IL2RA: variants seen among roughly 807,000 people sequenced by gnomAD.
The protein encoded by IL2RA is interleukin 2 receptor subunit alpha, also known as interleukin-2 receptor subunit alpha.
IL2RA carries 24 observed loss-of-function variants against 37.8 expected under a neutral mutation model. That is an observed-to-expected ratio of 0.63 (90% CI 0.46 to 0.89). IL2RA has a LOEUF of 0.89. Ranked by LOEUF, IL2RA falls within the 40% of genes least tolerant of loss-of-function variation. The pLI is 0.00. For missense variants in IL2RA, 319 were observed against 348.6 expected, an observed-to-expected ratio of 0.92 and a Z score of 0.68; for synonymous variants, 125 against 114.6, an observed-to-expected ratio of 1.09 and a Z score of -0.58.
At chr10:6,050,713 C>T (rs1384667529) in intron 1 of IL2RA, among the ~76,000 whole-genome samples, 3 of 152,212 alleles carry the variant, frequency 2.0e-5, no homozygotes, top group Non-Finnish European at 4.4e-5. Flanking sequence ...CATGAGGAAT[C>T]TGTAAGATCA....
intron 1 of IL2RA, among the ~76,000 whole-genome samples, chr10:6,038,326 G>A (rs916220037): frequency 1.3e-5 from 2 of 152,238 alleles, no homozygotes; most frequent in African/African-American, 4.8e-5. Flanking sequence ...TGATGTTGTG[G>A]TTTAGTTCAG....
chr10:6,062,352 G>T lies in IL2RA; in HGVS notation c.-201C>A. 2.3e-6 allele frequency: 1 copy of T among 425,608 alleles called. No individual in the cohort carries two copies. Among genetic ancestry groups the T allele is most frequent in the South Asian group, 2.7e-5 (1 of 36,686 alleles). The allele number at this position is 425,608 out of a possible 1,614,324, so 26.4% of individuals were successfully genotyped here. On this transcript the variant is annotated 5_prime_UTR_variant, in exon 1 of 8. Coordinates refer to ENST00000379959, the MANE Select transcript of IL2RA (RefSeq NM_000417.3). ...CTCTCTTTAAGTATTGGGCTGGCGT[G>T]TTCAGCCAGGAAACTGCCTAGCACT...
rs1413129144 is a variant in IL2RA, at chr10:6,044,700, G to T, written c.64+17388C>A. ...GATTTTTAAATGGCATAATTACAGA[G>T]ATATAAAATTTATGTATGCATGTGA... On this transcript the variant is annotated intron_variant, in intron 1 of 7. Coordinates refer to ENST00000379959, the MANE Select transcript of IL2RA (RefSeq NM_000417.3). The surrounding 1 kb of genome is among the most constrained non-coding windows in gnomAD (Gnocchi z 4.5). Among the ~76,000 whole-genome samples, 1 of 152,166 alleles carries T rather than the reference G, an allele frequency of 6.6e-6. No homozygotes were observed. The highest frequency in any genetic ancestry group is 1.5e-5 in the Non-Finnish European group (1 of 68,026).
intron 7 of IL2RA, chr10:6,017,020 T>C (rs1338804016): frequency 6.5e-6 from 1 of 153,858 alleles, no homozygotes; most frequent in Non-Finnish European, 1.5e-5. Context: ...ATGGTTTTGG[T>C]GACAGGATTT....
At position 6,012,576 on chromosome 10, in the gene IL2RA, A is replaced by G; in HGVS notation, c.*296T>C. The stretch of plus-strand genomic sequence containing the variant: ...TTCCATACCATTCATGCTTTAATGA[A>G]CACATATACATGAAAATAAGATGGA... On this transcript the variant is annotated 3_prime_UTR_variant, in exon 8 of 8. Coordinates refer to ENST00000379959, the MANE Select transcript of IL2RA (RefSeq NM_000417.3). The surrounding 1 kb of genome is among the most constrained non-coding windows in gnomAD (Gnocchi z 4.8). 1.9e-6 allele frequency: 1 copy of G among 526,198 alleles called. No individual in the cohort carries two copies. The highest frequency in any genetic ancestry group is 2.2e-5 in the South Asian group (1 of 46,324). 32.6% of individuals were successfully genotyped at this position (526,198 alleles called of 1,614,324 possible). A position where few individuals can be genotyped will look rare whatever the true frequency, so the allele number is the denominator to read the frequency against.
In IL2RA at chr10:6,012,212, A is replaced by G. The variant is rs916642780; in HGVS notation, c.*660T>C. 1 of 152,776 alleles carries G rather than the reference A, an allele frequency of 6.5e-6. No individual in the cohort carries two copies. The highest frequency in any genetic ancestry group is 1.5e-5 in the Non-Finnish European group (1 of 68,406). 9.5% of individuals were successfully genotyped at this position (152,776 alleles called of 1,614,324 possible). A position where few individuals can be genotyped will look rare whatever the true frequency, so the allele number is the denominator to read the frequency against. On this transcript the variant is annotated 3_prime_UTR_variant, in exon 8 of 8. Transcript: ENST00000379959. The surrounding 1 kb of genome is among the most constrained non-coding windows in gnomAD (Gnocchi z 4.8). The stretch of plus-strand genomic sequence containing the variant: ...GGCTGCCCCGTTTTGAAGTTACCCA[A>G]AGATTATTCTGCCATGGCCTCTGTT...
chr10:6,041,305 C>T (rs1337566606), intron 1 of IL2RA, among the ~76,000 whole-genome samples: 2 of 151,740 alleles, frequency 1.3e-5, no homozygotes, highest in South Asian at 2.1e-4. Flanking sequence ...TTAGTAGAGA[C>T]GGGGTTTCAC....
chr10:6,031,478 A>ATATATATGTATATATATATATATG (rs1564545941), intron 1 of IL2RA, among the ~76,000 whole-genome samples: 1 of 28,056 alleles, frequency 3.6e-5, no homozygotes, highest in African/African-American at 1.5e-4. Flanking sequence ...ATATATATAT[A>ATATATATGTATATATATATATATG]TATATATATA....
In IL2RA at chr10:6,054,808, G is replaced by A. The variant is rs1393919750; in HGVS notation, c.64+7280C>T. 6.6e-6 allele frequency among the ~76,000 whole-genome samples: 1 copy of A among 151,962 alleles called. No homozygotes were observed. The highest frequency in any genetic ancestry group is 2.4e-5 in the African/African-American group (1 of 41,338). On this transcript the variant is annotated intron_variant, in intron 1 of 7. Coordinates refer to ENST00000379959, the MANE Select transcript of IL2RA (RefSeq NM_000417.3). The surrounding 1 kb of genome is among the most constrained non-coding windows in gnomAD (Gnocchi z 4.5). ...ACTCTCCCTATTCTGATCATTTATG[G>A]CATTATTTGCAATGTTTGATCAATA...
In IL2RA at chr10:6,057,612, A is replaced by G. The variant is rs1269846215; in HGVS notation, c.64+4476T>C. ...TGTCCTCTCCTCAGTGCTTTGGCCC[A>G]CTTTCTGCTTCCTGCAAGGTTTATT... On this transcript the variant is annotated intron_variant, in intron 1 of 7. Transcript: ENST00000379959. This position sits in a 1 kb window ranked among gnomAD's most constrained non-coding sequence, Gnocchi z 4.8. Among the ~76,000 whole-genome samples, 1 of 152,098 alleles carries G rather than the reference A, an allele frequency of 6.6e-6. No individual in the cohort carries two copies. Among genetic ancestry groups the G allele is most frequent in the Non-Finnish European group, 1.5e-5 (1 of 68,000 alleles).
intron 1 of IL2RA, among the ~76,000 whole-genome samples, chr10:6,037,978 G>T (rs916335037): frequency 6.6e-6 from 1 of 152,198 alleles, no homozygotes; most frequent in Admixed American, 6.5e-5. Context: ...AGTTTAGGCC[G>T]TATAGAAAGT....
At chr10:6,026,612 G>C (rs928683361) in intron 1 of IL2RA, among the ~76,000 whole-genome samples, 1 of 152,130 alleles carries the variant, frequency 6.6e-6, no homozygotes, top group African/African-American at 2.4e-5. Context: ...AATGGACTCT[G>C]GTATCTCACT....
intron 1 of IL2RA, 168 bp from the exon 2 acceptor site, chr10:6,026,193 G>T: frequency 1.4e-6 from 1 of 709,644 alleles, no homozygotes; most frequent in Non-Finnish European, 2.4e-6. Context: ...TCTTTAGAAA[G>T]CTTTGTATCA....
Position 6,024,232 on chromosome 10 carries a change from T to A in IL2RA, c.367+12A>T, listed in dbSNP as rs12358961. ...TAGCAGGAGTTAGCTGGAGGACAGA[T>A]TCATCTCTCACCTGGAAGGCTCGCT... is the stretch of plus-strand genomic sequence containing the variant. On this transcript the variant is annotated intron_variant, in intron 3 of 7. Transcript: ENST00000379959. 0.36 allele frequency: 562,086 copies of A among 1,567,342 alleles called. 105,437 individuals carry two copies. Among genetic ancestry groups the A allele is most frequent in the Admixed American group, 0.55 (33,107 of 59,914 alleles).
At chr10:6,045,399 C>G (rs993373480) in intron 1 of IL2RA, among the ~76,000 whole-genome samples, 1 of 152,038 alleles carries the variant, frequency 6.6e-6, no homozygotes, top group Non-Finnish European at 1.5e-5. Context: ...ACCAAAAATA[C>G]CCCTACAAGC....
In IL2RA at chr10:6,044,637, C is replaced by T. The variant is rs1243355038; in HGVS notation, c.64+17451G>A. On this transcript the variant is annotated intron_variant, in intron 1 of 7. Coordinates refer to ENST00000379959, the MANE Select transcript of IL2RA (RefSeq NM_000417.3). The surrounding 1 kb of genome is among the most constrained non-coding windows in gnomAD (Gnocchi z 4.5). ...AATTTTGTCCGATGTCTGAGCCCTGCCTCGGGGGTTGAGTCCCAACTTCTA... is the reference window on the plus strand; with the variant it reads ...AATTTTGTCCGATGTCTGAGCCCTGTCTCGGGGGTTGAGTCCCAACTTCTA... Among the ~76,000 whole-genome samples the T allele has an allele frequency of 2.6e-5, 4 of 152,186 alleles. No individual in the cohort carries two copies. Among genetic ancestry groups the T allele is most frequent in the Non-Finnish European group, 5.9e-5 (4 of 68,046 alleles).
At chr10:6,026,996 T>C (rs529262436) in intron 1 of IL2RA, among the ~76,000 whole-genome samples, 1 of 152,250 alleles carries the variant, frequency 6.6e-6, no homozygotes, top group South Asian at 2.1e-4. Context: ...CCCCATCCAA[T>C]GGCTCAGGAC....
chr10:6,016,469 T>C (rs1384932771), intron 7 of IL2RA, among the ~76,000 whole-genome samples: 1 of 152,232 alleles, frequency 6.6e-6, no homozygotes, highest in Non-Finnish European at 1.5e-5. Flanking sequence ...GTACATTTTA[T>C]GATGGTTAAA....
chr10:6,050,793 G>A (rs1291415587), intron 1 of IL2RA, among the ~76,000 whole-genome samples: 5 of 152,178 alleles, frequency 3.3e-5, no homozygotes, highest in Non-Finnish European at 7.4e-5. Context: ...AGTGCAGGAC[G>A]AGGAGGAGGA....
Sources: allele counts gnomAD v4.1 joint callset (sites outside exome capture counted in the v4.1 genomes callset), GRCh38; gene constraint gnomAD v4.1.1; non-coding constraint Gnocchi (gnomAD v3.1); transcripts MANE v1.5; gene names NCBI Gene and HGNC (gene_info 2026-07-23, HGNC 2026-07-21).